The following ZNF766 variants were observed in gnomAD, a reference collection of about 807,000 sequenced individuals.
ZNF766 encodes zinc finger protein 766.
A neutral mutation model predicts 13.2 loss-of-function variants in ZNF766; 13 were observed. That is an observed-to-expected ratio of 0.98 (90% CI 0.64 to 1.56). The LOEUF is 1.56. Among genes scored for constraint, ZNF766 ranks in the 40% most tolerant of loss-of-function variants. The probability of loss-of-function intolerance (pLI) is 0.00; values close to 1 mark genes in which losing one functional copy is unlikely to be tolerated. For synonymous variants in ZNF766, 178 were observed against 187.6 expected (o/e 0.95, Z 0.42); for missense variants, 521 against 552.2 (o/e 0.94, Z 0.57).
Position 52,294,132 on chromosome 19 carries a change from T to C in ZNF766, c.*2934T>C, listed in dbSNP as rs939847744. 8 of 152,194 alleles carry C rather than the reference T, an allele frequency of 5.3e-5. No homozygotes were observed. Among genetic ancestry groups the C allele is most frequent in the African/African-American group, 1.9e-4 (8 of 41,448 alleles). 9.4% of individuals were successfully genotyped at this position (152,194 alleles called of 1,614,324 possible). ...AAGCGAAAATACAGATACAGTAATA[T>C]GGAAAATAGGACAAAGTGTGGACTT... On this transcript the variant is annotated 3_prime_UTR_variant, in exon 4 of 4. Coordinates refer to ENST00000439461, the MANE Select transcript of ZNF766 (RefSeq NM_001010851.3).
At chr19:52,283,451 T>TC in intron 3 of ZNF766, 38 bp downstream of exon 3, 1 of 1,462,432 alleles carries the variant, frequency 6.8e-7, no homozygotes, top group Non-Finnish European at 9.2e-7. Context: ...GCCACACTTT[T>TC]TTTTTTTTTT....
chr19:52,283,709 C>T (rs1981662885), intron 3 of ZNF766, among the ~76,000 whole-genome samples: 1 of 152,134 alleles, frequency 6.6e-6, no homozygotes. Flanking sequence ...CCACCTGTCA[C>T]CATGTCCTTT....
chr19:52,289,436 C>T (rs1982000213), intron 3 of ZNF766, among the ~76,000 whole-genome samples: 2 of 152,214 alleles, frequency 1.3e-5, no homozygotes, highest in South Asian at 2.1e-4. Context: ...ACAGCCACCA[C>T]ACCTGGCCTA....
chr19:52,279,498 G>A (rs1161259559), intron 1 of ZNF766, among the ~76,000 whole-genome samples: 1 of 152,066 alleles, frequency 6.6e-6, no homozygotes, highest in African/African-American at 2.4e-5. Flanking sequence ...CCGTGAGCAT[G>A]GGATGTTTTT....
intron 3 of ZNF766, 32 bp downstream of exon 3, chr19:52,283,445 C>A: frequency 6.7e-7 from 1 of 1,490,504 alleles, no homozygotes. Flanking sequence ...GTGAAAGCCA[C>A]ACTTTTTTTT....
chr19:52,283,435 G>GT, intron 3 of ZNF766, 22 bp downstream of exon 3: 1 of 1,526,316 alleles, frequency 6.6e-7, no homozygotes, highest in Non-Finnish European at 8.8e-7. Context: ...GATGGACAGA[G>GT]TGAAAGCCAC....
At chr19:52,286,600 G>A (rs1600202212) in intron 3 of ZNF766, among the ~76,000 whole-genome samples, 1 of 151,838 alleles carries the variant, frequency 6.6e-6, no homozygotes, top group East Asian at 1.9e-4. Flanking sequence ...AATTGCTAAG[G>A]TTTTTCAAAT....
At chr19:52,287,938 G>T in intron 3 of ZNF766, 1 of 399,854 alleles carries the variant, frequency 2.5e-6, no homozygotes, top group Non-Finnish European at 4.8e-6. Context: ...TTACTTTCCT[G>T]ACTTTCTCTA....
In ZNF766 at chr19:52,292,801, AC is replaced by A. The variant is rs1982209257; in HGVS notation, c.*1605del. On this transcript the variant is annotated 3_prime_UTR_variant, in exon 4 of 4. Coordinates refer to ENST00000439461, the MANE Select transcript of ZNF766 (RefSeq NM_001010851.3). ...ACTTTATAGCAGACAATAATAAGGC[AC>A]CATTAGGATTTTTAAATTAATTTAT... 6.6e-6 allele frequency: 1 copy of A among 152,210 alleles called. No homozygotes were observed. Among genetic ancestry groups the A allele is most frequent in the Non-Finnish European group, 1.5e-5 (1 of 68,042 alleles). 9.4% of individuals were successfully genotyped at this position (152,210 alleles called of 1,614,324 possible). A position where few individuals can be genotyped will look rare whatever the true frequency, so the allele number is the denominator to read the frequency against.
chr19:52,277,489 AAGG>A lies in ZNF766; in HGVS notation c.19-4619_19-4617del, dbSNP rs538474785. Reference sequence around the variant, plus strand: ...AAAACAAAAAAAGTCATGTTATGTGAAGGAGAAGCCCAGAAGAGGAAAGCAGAG... The same window carrying A: ...AAAACAAAAAAAGTCATGTTATGTGAAGAAGCCCAGAAGAGGAAAGCAGAG... On this transcript the variant is annotated intron_variant, in intron 1 of 3. Coordinates refer to ENST00000439461, the MANE Select transcript of ZNF766 (RefSeq NM_001010851.3). The A allele has an allele frequency of 1.4e-4, 223 of 1,571,464 alleles. No individual in the cohort carries two copies. In the African/African-American group the frequency reaches 2.8e-3, roughly 20 times the overall value.
intron 1 of ZNF766, among the ~76,000 whole-genome samples, chr19:52,278,646 C>T (rs550276847): frequency 7.2e-5 from 11 of 152,244 alleles, no homozygotes; most frequent in African/African-American, 2.6e-4. Context: ...GTCAGGTGAT[C>T]CAACTGCCTC....
intron 1 of ZNF766, among the ~76,000 whole-genome samples, chr19:52,273,303 C>T (rs1463906405): frequency 6.6e-6 from 1 of 152,212 alleles, no homozygotes; most frequent in Non-Finnish European, 1.5e-5. Flanking sequence ...CCACCATGCC[C>T]AGCCTATAAG....
Position 52,293,880 on chromosome 19 carries a change from C to G in ZNF766, c.*2682C>G, listed in dbSNP as rs1982254075. 6.6e-6 allele frequency: 1 copy of G among 152,262 alleles called. No homozygotes were observed. The highest frequency in any genetic ancestry group is 2.4e-5 in the African/African-American group (1 of 41,412). 9.4% of individuals were successfully genotyped at this position (152,262 alleles called of 1,614,324 possible). On this transcript the variant is annotated 3_prime_UTR_variant, in exon 4 of 4. Coordinates refer to ENST00000439461, the MANE Select transcript of ZNF766 (RefSeq NM_001010851.3). ...CCTCAGGTGATCTGCCCACCTCGGC[C>G]TCCCAAAGTGCTGGGATTATAGGCA...
At chr19:52,288,267 C>T (rs1051701683) in intron 3 of ZNF766, among the ~76,000 whole-genome samples, 2 of 152,250 alleles carry the variant, frequency 1.3e-5, no homozygotes, top group African/African-American at 2.4e-5. Flanking sequence ...GCAATCCACC[C>T]GCCTTGGCCT....
chr19:52,282,237 G>A lies in ZNF766; in HGVS notation c.145G>A (p.Gly49Arg), dbSNP rs1182989343. 14 of 1,597,622 alleles carry A rather than the reference G, an allele frequency of 8.8e-6. No homozygotes were observed. Among genetic ancestry groups the A allele is most frequent in the Non-Finnish European group, 1.2e-5 (14 of 1,170,364 alleles). The change falls in exon 2 of 4, where the codon GGA (glycine) becomes AGA (arginine). Residue 49 changes from glycine to arginine, a missense_variant and splice_region_variant. Coordinates refer to ENST00000439461, the MANE Select transcript of ZNF766 (RefSeq NM_001010851.3). ...LENYRNLVSL[G>R]ICLPDLSIIS... ...GAACTACAGGAACCTGGTCTCCCTG[G>A]GTAAGGATAATGCCCCTCCAGAAGT...
rs889578458 is a variant in ZNF766 at position 52,292,016 on chromosome 19, C to G, written c.*818C>G. The G allele has an allele frequency of 8.2e-6, 5 of 608,584 alleles. No individual in the cohort carries two copies. The highest frequency in any genetic ancestry group is 1.5e-5 in the Non-Finnish European group (5 of 342,278). The allele number at this position is 608,584 out of a possible 1,614,324, so 37.7% of individuals were successfully genotyped here. ...AAGCCCAGGAGTTTGAGAGTTTGAG[C>G]AGTGAGCTCTGATCTTGCCATTTGT... On this transcript the variant is annotated 3_prime_UTR_variant, in exon 4 of 4. Transcript: ENST00000439461.
intron 1 of ZNF766, among the ~76,000 whole-genome samples, chr19:52,276,060 A>G (rs1981182349): frequency 6.6e-6 from 1 of 152,222 alleles, no homozygotes; most frequent in Non-Finnish European, 1.5e-5. Flanking sequence ...AGTATTCAGG[A>G]CATAGCATGC....
intron 1 of ZNF766, among the ~76,000 whole-genome samples, chr19:52,274,187 C>G (rs950318386): frequency 4.6e-5 from 7 of 151,576 alleles, no homozygotes; most frequent in African/African-American, 1.7e-4. Flanking sequence ...AGTCATCCCT[C>G]GGTATCACGT....
At chr19:52,289,722 C>CG (rs1488634803) in intron 3 of ZNF766, among the ~76,000 whole-genome samples, 1 of 152,046 alleles carries the variant, frequency 6.6e-6, no homozygotes, top group Non-Finnish European at 1.5e-5. Flanking sequence ...TGCCAGAGTC[C>CG]GGGCGCGGTG....
Sources: allele counts gnomAD v4.1 joint callset (sites outside exome capture counted in the v4.1 genomes callset), GRCh38; gene constraint gnomAD v4.1.1; transcripts MANE v1.5; gene names NCBI Gene and HGNC (gene_info 2026-07-23, HGNC 2026-07-21).